Variants in STARD9 observed in about 807,000 individuals in gnomAD.
STARD9 encodes stAR-related lipid transfer protein 9.
In STARD9, 346 loss-of-function variants were observed where a neutral mutation model predicts 399.8. The ratio of observed to expected loss-of-function variants is 0.87; its 90% CI spans 0.79 to 0.95. The LOEUF is 0.95. Among genes scored for constraint, STARD9 ranks in the 40% least tolerant of loss-of-function variants. The pLI is 0.00. For missense variants in STARD9, 5,832 were observed against 5,667.5 expected, an observed-to-expected ratio of 1.03 and a Z score of -0.93; for synonymous variants, 2,203 against 2,143.5, an observed-to-expected ratio of 1.03 and a Z score of -0.77.
At chr15:42,665,919 T>A in intron 15 of STARD9, 71 bp downstream of exon 15, 2 of 1,308,670 alleles carry the variant, frequency 1.5e-6, no homozygotes, top group Non-Finnish European at 2.1e-6. Flanking sequence ...CGGAGCTAGG[T>A]AGGGTTGCTC....
Position 42,688,170 on chromosome 15 carries a change from C to T in STARD9, c.6592C>T (p.Leu2198Phe), listed in dbSNP as rs2140253982. Reference sequence around the variant, plus strand: ...TTGCAGAGAGTTCACCAACACTTCTCTTCACCCACAGAGAATGAAAGCATT... The same window carrying T: ...TTGCAGAGAGTTCACCAACACTTCTTTTCACCCACAGAGAATGAAAGCATT... ...TTCREFTNTS[L>F]HPQRMKALAR... The change falls in exon 23 of 33, where the codon CTT (leucine) becomes TTT (phenylalanine). Residue 2198 changes from leucine to phenylalanine, a missense_variant. Leu to Phe is a conservative substitution (Grantham distance 22). Coordinates refer to ENST00000290607, the MANE Select transcript of STARD9 (RefSeq NM_020759.3). The T allele has an allele frequency of 6.5e-7, 1 of 1,537,526 alleles. No homozygotes were observed. Among genetic ancestry groups the T allele is most frequent in the East Asian group, 2.4e-5 (1 of 40,922 alleles).
In STARD9 at chr15:42,716,679, G is replaced by A. The variant is rs2061356636; in HGVS notation, c.13287G>A (p.Gly4429=). 6.5e-7 allele frequency: 1 copy of A among 1,530,684 alleles called. No individual in the cohort carries two copies. The allele number at this position is 1,530,684 out of a possible 1,614,324, so 94.8% of individuals were successfully genotyped here. A position where few individuals can be genotyped will look rare whatever the true frequency, so the allele number is the denominator to read the frequency against. Residue 4429 remains glycine (G), a splice_region_variant and synonymous_variant, in exon 27 of 33, where the codon GGG becomes GGA. Coordinates refer to ENST00000290607, the MANE Select transcript of STARD9 (RefSeq NM_020759.3). The part of the protein sequence containing the change: ...SGQLQFPENM[G]HTNLPDSRDV... ...CCTGAGTATCCTCTCTTCTGCAGGG[G>A]CATACAAACTTGCCTGATTCCAGGG...
intron 26 of STARD9, among the ~76,000 whole-genome samples, chr15:42,715,468 C>A: frequency 6.6e-6 from 1 of 151,910 alleles, no homozygotes; most frequent in South Asian, 2.1e-4. Context: ...ATCACTTGAG[C>A]CCAGGAGTCT....
chr15:42,709,353 C>T (rs2061160540), intron 26 of STARD9, among the ~76,000 whole-genome samples: 1 of 152,060 alleles, frequency 6.6e-6, no homozygotes, highest in Admixed American at 6.6e-5. Flanking sequence ...GCCATGATTA[C>T]ATCATTGGCC....
At chr15:42,626,285 C>A (rs1013421141) in intron 3 of STARD9, among the ~76,000 whole-genome samples, 1 of 136,786 alleles carries the variant, frequency 7.3e-6, no homozygotes, top group Non-Finnish European at 1.5e-5. Flanking sequence ...CCTCTTCCTC[C>A]TCTTCCTCTT....
intron 30 of STARD9, 107 bp from the exon 31 acceptor site, chr15:42,718,328 T>C: frequency 8.2e-7 from 1 of 1,223,166 alleles, no homozygotes; most frequent in African/African-American, 1.5e-5. Context: ...TAGGTTGAGC[T>C]AGGTGTCAAG....
rs768076836 is a variant in STARD9 at position 42,682,287 on chromosome 15, T to C, written c.2249T>C (p.Leu750Pro). The C allele has an allele frequency of 2.6e-6, 4 of 1,537,164 alleles. No individual in the cohort carries two copies. Among genetic ancestry groups the C allele is most frequent in the Non-Finnish European group, 3.5e-6 (4 of 1,146,892 alleles). Residue 750 changes from leucine (L) to proline (P), a missense_variant, in exon 22 of 33, where the codon CTC becomes CCC. Leu to Pro is a moderately conservative substitution (Grantham distance 98). Coordinates refer to ENST00000290607, the MANE Select transcript of STARD9 (RefSeq NM_020759.3). ...CAGAAAAGGGTGGTGCACCTGCAGC[T>C]CCTGCGGAGACACACTCTTCGGGCA... is the stretch of plus-strand genomic sequence containing the variant. ...QSQKRVVHLQ[L>P]LRRHTLRAAE...
intron 7 of STARD9, among the ~76,000 whole-genome samples, chr15:42,646,591 T>G (rs2059650469): frequency 6.6e-6 from 1 of 152,380 alleles, no homozygotes; most frequent in South Asian, 2.1e-4. Context: ...TGCTCTGGAT[T>G]AGTCTCTGGC....
chr15:42,635,431 G>A (rs966605019), intron 4 of STARD9, among the ~76,000 whole-genome samples: 1 of 151,954 alleles, frequency 6.6e-6, no homozygotes, highest in African/African-American at 2.4e-5. Context: ...CCGGGTTCAC[G>A]CTATTCTCCT....
intron 25 of STARD9, 37 bp from the exon 26 acceptor site, chr15:42,695,706 C>A: frequency 6.6e-7 from 1 of 1,524,080 alleles, no homozygotes; most frequent in Non-Finnish European, 8.8e-7. Context: ...AGTGAGGGTG[C>A]ATCAGAAGCT....
intron 7 of STARD9, among the ~76,000 whole-genome samples, chr15:42,649,277 C>T (rs2059709152): frequency 6.6e-6 from 1 of 152,182 alleles, no homozygotes; most frequent in African/African-American, 2.4e-5. Flanking sequence ...ATCCACCCGC[C>T]TCAGCCTCCC....
At chr15:42,661,121 G>A (rs1167135159) in intron 9 of STARD9, 37 bp from the exon 10 acceptor site, 28 of 1,447,276 alleles carry the variant, frequency 1.9e-5, no homozygotes, top group African/African-American at 5.6e-5. Flanking sequence ...AATACAAATC[G>A]TTCCAAATGA....
chr15:42,698,394 A>G (rs1464103099), intron 26 of STARD9, among the ~76,000 whole-genome samples: 5 of 152,220 alleles, frequency 3.3e-5, no homozygotes, highest in African/African-American at 9.6e-5. Context: ...CCAACATGTT[A>G]TCAAATGTTT....
Position 42,685,144 on chromosome 15 carries a change from C to G in STARD9, c.3566C>G (p.Ala1189Gly), listed in dbSNP as rs2140229745. The change falls in exon 23 of 33, where the codon GCC becomes GGC. Residue 1189 changes from alanine (A) to glycine (G), a missense_variant. Ala to Gly is a moderately conservative substitution (Grantham distance 60). Transcript: ENST00000290607. ...GCTTCTGTGAGGGGCTTCACTGCAG[C>G]CTCAGACAGTGACCTACTTGCTCAA... is the stretch of plus-strand genomic sequence containing the variant. ...TRASVRGFTA[A>G]SDSDLLAQTH... The G allele has an allele frequency of 6.5e-7, 1 of 1,537,204 alleles. No homozygotes were observed. The highest frequency in any genetic ancestry group is 8.7e-7 in the Non-Finnish European group (1 of 1,146,930).
Position 42,712,101 on chromosome 15 carries a change from TA to T in STARD9, c.13285-4575del, listed in dbSNP as rs1566966162. On this transcript the variant is annotated intron_variant, in intron 26 of 32. Transcript: ENST00000290607. Reference sequence around the variant, plus strand: ...ATATATTATATATATATATATAATATATAATATATAATATATAATATATATA... The same window carrying T: ...ATATATTATATATATATATATAATATTAATATATAATATATAATATATATA... Among the ~76,000 whole-genome samples, 23 of 3,418 alleles carry T rather than the reference TA, an allele frequency of 6.7e-3. 9 individuals carry two copies. Among genetic ancestry groups the T allele is most frequent in the Admixed American group, 0.019 (4 of 216 alleles). 2.2% of individuals were successfully genotyped at this position (3,418 alleles called of 152,430 possible).
In STARD9 at chr15:42,692,353, G is replaced by A; in HGVS notation, c.10775G>A (p.Gly3592Asp). Residue 3592 changes from glycine (G) to aspartate (D), a missense_variant, in exon 23 of 33, where the codon GGC becomes GAC. Transcript: ENST00000290607. ...SGHDRRPQFRGPSGEADCLRS... is the reference protein window; with the variant it reads ...SGHDRRPQFRDPSGEADCLRS... The stretch of plus-strand genomic sequence containing the variant: ...CATGACAGAAGGCCTCAGTTCAGGG[G>A]CCCTTCTGGTGAAGCAGACTGTCTG... 1.3e-6 allele frequency: 2 copies of A among 1,537,014 alleles called. No individual in the cohort carries two copies. The highest frequency in any genetic ancestry group is 1.7e-6 in the Non-Finnish European group (2 of 1,146,892).
intron 3 of STARD9, among the ~76,000 whole-genome samples, chr15:42,607,361 C>T (rs1423252208): frequency 1.3e-5 from 2 of 151,570 alleles, no homozygotes; most frequent in African/African-American, 2.4e-5. Context: ...CACCACCATG[C>T]GCGGCTAATT....
At chr15:42,711,208 C>T (rs1284348614) in intron 26 of STARD9, among the ~76,000 whole-genome samples, 2 of 151,044 alleles carry the variant, frequency 1.3e-5, no homozygotes, top group African/African-American at 4.9e-5. Context: ...GGCACGATCT[C>T]GGCTCACTGC....
chr15:42,702,770 CTCT>C (rs2060994256), intron 26 of STARD9, among the ~76,000 whole-genome samples: 2 of 152,168 alleles, frequency 1.3e-5, no homozygotes, highest in East Asian at 1.9e-4. Flanking sequence ...AGTCTTTCCT[CTCT>C]TCTTCATGTC....
Sources: gnomAD v4.1 joint callset for allele counts (sites outside exome capture counted in the v4.1 genomes callset) on GRCh38, gnomAD v4.1.1 for gene constraint, MANE v1.5 for transcripts, NCBI Gene and HGNC (gene_info 2026-07-23, HGNC 2026-07-21) for gene names.